The following DARS1 variants were observed in gnomAD, a reference collection of about 807,000 sequenced individuals.
The protein encoded by DARS1 is aspartyl-tRNA synthetase 1.
DARS1 carries 51 observed loss-of-function variants against 68.8 expected under a neutral mutation model. That is an observed-to-expected ratio of 0.74 (90% confidence interval 0.59 to 0.94). DARS1 has a LOEUF of 0.94. Among genes scored for constraint, DARS1 ranks in the 40% least tolerant of loss-of-function variants. The pLI is 0.00. For missense variants in DARS1, 607 were observed against 597.3 expected, an observed-to-expected ratio of 1.02 and a Z score of -0.17; for synonymous variants, 203 against 190.4, an observed-to-expected ratio of 1.07 and a Z score of -0.55.
intron 3 of DARS1, among the ~76,000 whole-genome samples, chr2:135,962,496 A>G (rs1412349748): frequency 6.6e-6 from 1 of 152,226 alleles, no homozygotes; most frequent in Non-Finnish European, 1.5e-5. Flanking sequence ...AGAAGAAAGA[A>G]AAAGGAAAGC....
chr2:135,918,370 A>G (rs1681047892), intron 10 of DARS1, among the ~76,000 whole-genome samples: 1 of 152,172 alleles, frequency 6.6e-6, no homozygotes, highest in South Asian at 2.1e-4. Flanking sequence ...TATATATACA[A>G]TACATATACA....
At chr2:135,942,590 G>A (rs949812023) in intron 5 of DARS1, among the ~76,000 whole-genome samples, 32 of 151,890 alleles carry the variant, frequency 2.1e-4, no homozygotes, top group African/African-American at 5.6e-4. Context: ...CCAACATGGC[G>A]CATGTATACA....
Position 135,933,980 on chromosome 2 carries a change from A to G in DARS1, c.434T>C (p.Ile145Thr). 1 of 1,612,238 alleles carries G rather than the reference A, an allele frequency of 6.2e-7. No homozygotes were observed. The highest frequency in any genetic ancestry group is 8.5e-7 in the Non-Finnish European group (1 of 1,178,634). ...VELHVQKIYV[I>T]SLAEPRLPLQ... Reference sequence around the variant, plus strand: ...GGGCAGACGGGGTTCAGCCAAACTGATCACATAAATCTGTAAGTGAGAGAT... The same window carrying G: ...GGGCAGACGGGGTTCAGCCAAACTGGTCACATAAATCTGTAAGTGAGAGAT... The change falls in exon 6 of 16, where the codon ATC (isoleucine) becomes ACC (threonine). Residue 145 changes from isoleucine to threonine, a missense_variant. Transcript: ENST00000264161.
chr2:135,907,920 C>T (rs1680822563), intron 15 of DARS1, among the ~76,000 whole-genome samples: 1 of 152,046 alleles, frequency 6.6e-6, no homozygotes, highest in South Asian at 2.1e-4. Context: ...AAAGAAGAAA[C>T]TGATTTTTGG....
chr2:135,927,340 A>G (rs1681241928), intron 7 of DARS1, among the ~76,000 whole-genome samples: 1 of 152,194 alleles, frequency 6.6e-6, no homozygotes, highest in South Asian at 2.1e-4. Context: ...TGTTAATTTC[A>G]ATGCAAATAT....
chr2:135,973,048 T>A (rs1682415154), intron 3 of DARS1, among the ~76,000 whole-genome samples: 1 of 152,192 alleles, frequency 6.6e-6, no homozygotes. Context: ...AGTTACCACA[T>A]GATCCAGCAA....
At chr2:135,964,840 C>CAAAAAAAAAAAAAAAAAAAAAAAA (rs372676148) in intron 3 of DARS1, among the ~76,000 whole-genome samples, 1 of 49,630 alleles carries the variant, frequency 2.0e-5, no homozygotes. Flanking sequence ...GACTCCACCT[C>CAAAAAAAAAAAAAAAAAAAAAAAA]AAAAAAAAAA....
At chr2:135,977,772 T>C (rs1682532849) in intron 3 of DARS1, among the ~76,000 whole-genome samples, 1 of 152,132 alleles carries the variant, frequency 6.6e-6, no homozygotes, top group African/African-American at 2.4e-5. Context: ...GTGAAATGTA[T>C]GTATAAAGTG....
At chr2:135,929,299 C>A (rs1426254844) in intron 7 of DARS1, among the ~76,000 whole-genome samples, 2 of 152,176 alleles carry the variant, frequency 1.3e-5, no homozygotes, top group Admixed American at 6.5e-5. Context: ...CTCATGGCAG[C>A]CCCGAGTCCC....
chr2:135,943,348 T>C (rs768848315), intron 5 of DARS1, 30 bp downstream of exon 5: 4 of 1,600,144 alleles, frequency 2.5e-6, no homozygotes, highest in Non-Finnish European at 3.4e-6. Flanking sequence ...TCTATTTCTA[T>C]ATGCGATTTT....
intron 8 of DARS1, among the ~76,000 whole-genome samples, chr2:135,923,770 C>T (rs1558780873): frequency 6.6e-6 from 1 of 152,156 alleles, no homozygotes; most frequent in Non-Finnish European, 1.5e-5. Flanking sequence ...GTAATCCCAG[C>T]ACTCTGGCAG....
chr2:135,936,116 C>T (rs943805942), intron 5 of DARS1, among the ~76,000 whole-genome samples: 1 of 152,170 alleles, frequency 6.6e-6, no homozygotes, highest in African/African-American at 2.4e-5. Context: ...TCACATAGTG[C>T]TTGGCACAAA....
At chr2:135,910,992 T>C in intron 15 of DARS1, 147 bp downstream of exon 15, 2 of 561,210 alleles carry the variant, frequency 3.6e-6, no homozygotes, top group Non-Finnish European at 6.4e-6. Context: ...AATAATATTT[T>C]ATAACACACA....
At chr2:135,921,759 C>A (rs1575385954) in intron 9 of DARS1, among the ~76,000 whole-genome samples, 1 of 152,264 alleles carries the variant, frequency 6.6e-6, no homozygotes, top group East Asian at 1.9e-4. Context: ...CCCAGATTTA[C>A]TGATCAGAAT....
chr2:135,973,431 A>C (rs557783204), intron 3 of DARS1, among the ~76,000 whole-genome samples: 1 of 152,044 alleles, frequency 6.6e-6, no homozygotes, highest in East Asian at 1.9e-4. Flanking sequence ...GGGAAGGGTA[A>C]TAGGGGTTGA....
At position 135,932,796 on chromosome 2, in the gene DARS1, A is replaced by C. The variant is rs766824213; in HGVS notation, c.551T>G (p.Val184Gly). ...VNQDTRLDNR[V>G]IDLRTSTSQA... ...AATGAGGCATACCCTAAGATCAATGACTCTGTTGTCTAATCTTGTATCCTG... is the reference window on the plus strand; with the variant it reads ...AATGAGGCATACCCTAAGATCAATGCCTCTGTTGTCTAATCTTGTATCCTG... Residue 184 changes from valine to glycine, a missense_variant, in exon 7 of 16, where the codon GTC becomes GGC. By Grantham distance (109) the Val-to-Gly change is moderately radical. Coordinates refer to ENST00000264161, the MANE Select transcript of DARS1 (RefSeq NM_001349.4). 31 of 1,327,024 alleles carry C rather than the reference A, an allele frequency of 2.3e-5. No individual in the cohort carries two copies. The highest frequency in any genetic ancestry group is 3.1e-5 in the Non-Finnish European group (29 of 926,288). The allele number at this position is 1,327,024 out of a possible 1,614,324, so 82.2% of individuals were successfully genotyped here. A position where few individuals can be genotyped will look rare whatever the true frequency, so the allele number is the denominator to read the frequency against.
chr2:135,957,465 G>A (rs1235472133), intron 4 of DARS1, among the ~76,000 whole-genome samples: 2 of 152,060 alleles, frequency 1.3e-5, no homozygotes, highest in Non-Finnish European at 1.5e-5. Context: ...TGATCTGCCC[G>A]CCTCGGCCTC....
chr2:135,917,139 G>A (rs568894946), intron 10 of DARS1, among the ~76,000 whole-genome samples: 25 of 152,044 alleles, frequency 1.6e-4, no homozygotes, highest in South Asian at 8.3e-4. Flanking sequence ...CAGCCTGGGC[G>A]ACAGAGCAAG....
chr2:135,929,397 CT>C (rs1291587666), intron 7 of DARS1, among the ~76,000 whole-genome samples: 1 of 152,162 alleles, frequency 6.6e-6, no homozygotes, highest in Non-Finnish European at 1.5e-5. Context: ...CTGGGTATCT[CT>C]TGTACTAGTA....
Sources: gnomAD v4.1 joint callset for allele counts (sites outside exome capture counted in the v4.1 genomes callset) on GRCh38, gnomAD v4.1.1 for gene constraint, MANE v1.5 for transcripts, NCBI Gene and HGNC (gene_info 2026-07-23, HGNC 2026-07-21) for gene names.